Variants in GABRG1 observed in about 807,000 individuals in gnomAD.
The protein encoded by GABRG1 is gamma-aminobutyric acid receptor subunit gamma-1.
A neutral mutation model predicts 49.8 loss-of-function variants in GABRG1; 49 were observed. That is an observed-to-expected ratio of 0.98 (90% CI 0.78 to 1.25). GABRG1 has a LOEUF of 1.25. GABRG1 is among the 50% of genes most tolerant of loss of function. The pLI is 0.00. For missense variants in GABRG1, 552 were observed against 552.3 expected (o/e 1.00, Z 0.01); for synonymous variants, 232 against 185.1 (o/e 1.25, Z -2.06).
chr4:46,097,347 A>C lies in GABRG1; in HGVS notation c.107T>G (p.Val36Gly). The C allele has an allele frequency of 6.2e-7, 1 of 1,602,472 alleles. No individual in the cohort carries two copies. Among genetic ancestry groups the C allele is most frequent in the Non-Finnish European group, 8.5e-7 (1 of 1,175,132 alleles). Residue 36 changes from valine (V) to glycine (G), a missense_variant and splice_region_variant, in exon 2 of 9, where the codon GTT becomes GGT. Transcript: ENST00000295452. ...ATCATCTTCATCATCTGCCTTATCA[A>C]CACTAAATAATTCAAAGAAAAAAAT... ...LLLTLHLGNCVDKADDEDDED... is the reference protein window; with the variant it reads ...LLLTLHLGNCGDKADDEDDED...
intron 2 of GABRG1, among the ~76,000 whole-genome samples, chr4:46,089,301 A>G (rs1238984799): frequency 1.3e-5 from 2 of 152,112 alleles, no homozygotes; most frequent in African/African-American, 4.8e-5. Context: ...GTCATTATTT[A>G]TACGTCAAGC....
chr4:46,117,015 T>C (rs1339799029), intron 1 of GABRG1, among the ~76,000 whole-genome samples: 1 of 150,468 alleles, frequency 6.6e-6, no homozygotes, highest in Admixed American at 6.7e-5. Flanking sequence ...TCCCTGTACT[T>C]AAGCATACTG....
chr4:46,087,853 G>A (rs1226162236), intron 2 of GABRG1, among the ~76,000 whole-genome samples: 1 of 151,844 alleles, frequency 6.6e-6, no homozygotes, highest in Non-Finnish European at 1.5e-5. Context: ...ACCTTTCCAG[G>A]TTACATTTAG....
intron 7 of GABRG1, 74 bp downstream of exon 7, chr4:46,058,143 A>G: frequency 1.4e-6 from 2 of 1,389,772 alleles, no homozygotes; most frequent in African/African-American, 2.9e-5. Flanking sequence ...AATAAATGTG[A>G]CTATGAACTT....
intron 8 of GABRG1, among the ~76,000 whole-genome samples, chr4:46,049,997 T>C (rs914329038): frequency 3.3e-5 from 5 of 151,776 alleles, no homozygotes; most frequent in Non-Finnish European, 7.4e-5. Flanking sequence ...TTTCCAGAAA[T>C]AAAACTTTCA....
intron 1 of GABRG1, among the ~76,000 whole-genome samples, chr4:46,111,181 A>C (rs1720700840): frequency 2.0e-5 from 3 of 151,178 alleles, no homozygotes; most frequent in African/African-American, 7.3e-5. Flanking sequence ...TTTAAAACTC[A>C]GTAGAATTTC....
Position 46,076,362 on chromosome 4 carries a change from CATATATAT to C in GABRG1, c.321+7616_321+7623del, listed in dbSNP as rs1203391424. ...ACCTAAATTTATCTTAGGTCATGTTCATATATATATATATATATATATATATATATATA... is the reference window on the plus strand; with the variant it reads ...ACCTAAATTTATCTTAGGTCATGTTCATATATATATATATATATATATATA... On this transcript the variant is annotated intron_variant, in intron 3 of 8. Coordinates refer to ENST00000295452, the MANE Select transcript of GABRG1 (RefSeq NM_173536.4). Among the ~76,000 whole-genome samples, 49 of 78,708 alleles carry C rather than the reference CATATATAT, an allele frequency of 6.2e-4. 1 individual carries two copies. Among genetic ancestry groups the C allele is most frequent in the East Asian group, 3.8e-3 (6 of 1,578 alleles). The allele number at this position is 78,708 out of a possible 152,430, so 51.6% of individuals were successfully genotyped here. A position where few individuals can be genotyped will look rare whatever the true frequency, so the allele number is the denominator to read the frequency against.
chr4:46,110,288 CT>C (rs1490623414), intron 1 of GABRG1, among the ~76,000 whole-genome samples: 4 of 150,938 alleles, frequency 2.7e-5, no homozygotes, highest in African/African-American at 9.7e-5. Context: ...TCCATTTTTA[CT>C]GTTGATGGTT....
At chr4:46,110,398 C>T (rs1439820962) in intron 1 of GABRG1, among the ~76,000 whole-genome samples, 1 of 150,960 alleles carries the variant, frequency 6.6e-6, no homozygotes, top group Non-Finnish European at 1.5e-5. Flanking sequence ...AGCTGATGGG[C>T]ATTACTACCT....
At chr4:46,088,349 G>A (rs1235123226) in intron 2 of GABRG1, among the ~76,000 whole-genome samples, 1 of 151,992 alleles carries the variant, frequency 6.6e-6, no homozygotes, top group Non-Finnish European at 1.5e-5. Context: ...CTTATAGTCT[G>A]AACCTAGAAG....
intron 5 of GABRG1, among the ~76,000 whole-genome samples, chr4:46,064,051 T>A (rs1276854374): frequency 1.3e-5 from 2 of 152,136 alleles, no homozygotes; most frequent in African/African-American, 4.8e-5. Context: ...TTGAAACACA[T>A]TTCAAAATCT....
intron 5 of GABRG1, among the ~76,000 whole-genome samples, chr4:46,063,616 A>G (rs886275938): frequency 1.3e-5 from 2 of 152,200 alleles, no homozygotes; most frequent in Admixed American, 1.3e-4. Context: ...GGATATAGGC[A>G]TGGGCAAGGA....
chr4:46,064,623 A>C (rs887495935), intron 4 of GABRG1, 100 bp from the exon 5 acceptor site: 4 of 527,772 alleles, frequency 7.6e-6, no homozygotes, highest in Middle Eastern at 1.1e-3. Flanking sequence ...ATATGATAAT[A>C]GATTGTGACC....
chr4:46,046,755 A>C (rs576927969), intron 8 of GABRG1, among the ~76,000 whole-genome samples: 1 of 152,170 alleles, frequency 6.6e-6, no homozygotes, highest in East Asian at 1.9e-4. Flanking sequence ...GTATTATATT[A>C]CTTCTGGAAC....
At chr4:46,110,861 G>A (rs532814348) in intron 1 of GABRG1, among the ~76,000 whole-genome samples, 12 of 149,934 alleles carry the variant, frequency 8.0e-5, no homozygotes, top group South Asian at 6.3e-4. Flanking sequence ...AAAATAATAA[G>A]AGTCATCTAT....
At chr4:46,107,078 C>T (rs1396090745) in intron 1 of GABRG1, among the ~76,000 whole-genome samples, 3 of 151,208 alleles carry the variant, frequency 2.0e-5, no homozygotes, top group Non-Finnish European at 4.4e-5. Context: ...TTATATTCTT[C>T]AAGTTATTTT....
intron 8 of GABRG1, among the ~76,000 whole-genome samples, chr4:46,042,233 T>G (rs576869434): frequency 6.6e-6 from 1 of 152,064 alleles, no homozygotes; most frequent in East Asian, 1.9e-4. Context: ...TGATGAGGCC[T>G]ATATCACAAT....
At position 46,054,898 on chromosome 4, in the gene GABRG1, G is replaced by A. The variant is rs973269023; in HGVS notation, c.917-3260C>T. Among the ~76,000 whole-genome samples, 7 of 62,640 alleles carry A rather than the reference G, an allele frequency of 1.1e-4. 2 individuals carry two copies. Among genetic ancestry groups the A allele is most frequent in the African/African-American group, 2.6e-4 (3 of 11,344 alleles). 41.1% of individuals were successfully genotyped at this position (62,640 alleles called of 152,430 possible). On this transcript the variant is annotated intron_variant, in intron 7 of 8. Coordinates refer to ENST00000295452, the MANE Select transcript of GABRG1 (RefSeq NM_173536.4). ...TTCCAACACTATGTTGAATAGGAGC[G>A]GTGAGAGAGGGCATCCCTGTCTTGT...
At chr4:46,071,145 C>A (rs910050070) in intron 3 of GABRG1, among the ~76,000 whole-genome samples, 6 of 151,896 alleles carry the variant, frequency 4.0e-5, no homozygotes, top group Non-Finnish European at 1.5e-5. Context: ...TATTATGCTG[C>A]CAGTTGTTTA....
Sources: allele counts gnomAD v4.1 joint callset (sites outside exome capture counted in the v4.1 genomes callset), GRCh38; gene constraint gnomAD v4.1.1; transcripts MANE v1.5; gene names NCBI Gene and HGNC (gene_info 2026-07-23, HGNC 2026-07-21).